COL24A1: variants seen among roughly 807,000 people sequenced by gnomAD.
COL24A1 encodes collagen alpha-1(XXIV) chain.
Under a neutral mutation model 253.9 loss-of-function variants are expected in COL24A1, and 224 were observed. The observed-to-expected ratio is 0.88, with a 90% CI of 0.79 to 0.99. The LOEUF is 0.99. Ranked by LOEUF, COL24A1 falls within the 50% of genes least tolerant of loss-of-function variation. The pLI is 0.00. For missense variants in COL24A1, 2,131 were observed against 2,068.5 expected (o/e 1.03, Z -0.59); for synonymous variants, 685 against 673.7 (o/e 1.02, Z -0.26).
chr1:85,934,741 C>T (rs1317961633), intron 24 of COL24A1, among the ~76,000 whole-genome samples: 1 of 152,094 alleles, frequency 6.6e-6, no homozygotes, highest in Non-Finnish European at 1.5e-5. Context: ...CATTTGTTTA[C>T]TTATTATCTG....
At chr1:86,024,311 A>T (rs1697819858) in intron 14 of COL24A1, among the ~76,000 whole-genome samples, 1 of 152,104 alleles carries the variant, frequency 6.6e-6, no homozygotes, top group Non-Finnish European at 1.5e-5. Flanking sequence ...ATTTTGTGAC[A>T]GCGGAAACAC....
At position 85,890,322 on chromosome 1, in the gene COL24A1, C is replaced by G. The variant is rs779802576; in HGVS notation, c.2923-709G>C. Among the ~76,000 whole-genome samples, 83 of 152,080 alleles carry G rather than the reference C, an allele frequency of 5.5e-4. 1 individual carries two copies. The highest frequency in any genetic ancestry group is 8.7e-4 in the Non-Finnish European group (59 of 68,006). ...TTTAACTTCTTGACAAACCACCAAA[C>G]TGTTTTCCACAGCAGTTCCCCTATT... On this transcript the variant is annotated intron_variant, in intron 31 of 59. Coordinates refer to ENST00000370571, the MANE Select transcript of COL24A1 (RefSeq NM_152890.7).
In COL24A1 at chr1:86,043,748, G is replaced by A. The variant is rs1483869314; in HGVS notation, c.1950+3077C>T. Reference sequence around the variant, plus strand: ...TCACCATGTTGGCCAAGATGGTCTCGATCTCTTGATCTCATGATCCGCCCG... The same window carrying A: ...TCACCATGTTGGCCAAGATGGTCTCAATCTCTTGATCTCATGATCCGCCCG... On this transcript the variant is annotated intron_variant, in intron 12 of 59. Coordinates refer to ENST00000370571, the MANE Select transcript of COL24A1 (RefSeq NM_152890.7). Among the ~76,000 whole-genome samples, 22 of 152,138 alleles carry A rather than the reference G, an allele frequency of 1.4e-4. No homozygotes were observed. In the East Asian group the frequency reaches 4.1e-3, roughly 28 times the overall value.
intron 28 of COL24A1, among the ~76,000 whole-genome samples, chr1:85,905,377 G>T (rs1033702123): frequency 2.0e-5 from 3 of 152,050 alleles, no homozygotes; most frequent in African/African-American, 7.2e-5. Flanking sequence ...GAAGAGAGAA[G>T]AGAGTAAAAA....
intron 18 of COL24A1, among the ~76,000 whole-genome samples, chr1:86,020,034 G>C (rs1305301489): frequency 6.7e-6 from 1 of 150,246 alleles, no homozygotes; most frequent in Non-Finnish European, 1.5e-5. Context: ...CATATGATAT[G>C]GCCTAAACTT....
At chr1:85,953,952 G>T (rs1433314765) in intron 24 of COL24A1, among the ~76,000 whole-genome samples, 1 of 152,120 alleles carries the variant, frequency 6.6e-6, no homozygotes, top group African/African-American at 2.4e-5. Flanking sequence ...TGGGCTAATT[G>T]CCTCTGGGCA....
chr1:86,087,169 CT>C (rs1703120974), intron 7 of COL24A1, among the ~76,000 whole-genome samples: 1 of 151,686 alleles, frequency 6.6e-6, no homozygotes, highest in Non-Finnish European at 1.5e-5. Flanking sequence ...AGATTGAAAG[CT>C]TTTTAAAAAA....
intron 24 of COL24A1, among the ~76,000 whole-genome samples, chr1:85,943,947 C>T (rs2103212871): frequency 6.6e-6 from 1 of 152,292 alleles, no homozygotes; most frequent in African/African-American, 2.4e-5. Flanking sequence ...AATTTGACTC[C>T]ATGAAAGTGC....
Position 86,031,824 on chromosome 1 carries a change from T to C in COL24A1, c.2049+54A>G, listed in dbSNP as rs1571673543. 2.1e-6 allele frequency: 3 copies of C among 1,446,520 alleles called. No homozygotes were observed. In the East Asian group the frequency reaches 7.0e-5, roughly 34 times the overall value. The allele number at this position is 1,446,520 out of a possible 1,614,324, so 89.6% of individuals were successfully genotyped here. A position where few individuals can be genotyped will look rare whatever the true frequency, so the allele number is the denominator to read the frequency against. ...GTTTCAAAAACACATCTAACACATA[T>C]AAATTGCACAATAAAATATTTTCTT... On this transcript the variant is annotated intron_variant, in intron 14 of 59. Transcript: ENST00000370571.
At chr1:85,869,634 G>A (rs1230131450) in intron 35 of COL24A1, among the ~76,000 whole-genome samples, 2 of 152,074 alleles carry the variant, frequency 1.3e-5, no homozygotes, top group African/African-American at 4.8e-5. Context: ...ATCCTTTAAG[G>A]ACAAACAAAT....
At chr1:86,120,562 C>A (rs182023852) in intron 3 of COL24A1, among the ~76,000 whole-genome samples, 129 of 152,306 alleles carry the variant, frequency 8.5e-4, no homozygotes, top group Non-Finnish European at 1.5e-3. Context: ...CACTGGTCAT[C>A]AGATAAATGC....
intron 3 of COL24A1, among the ~76,000 whole-genome samples, chr1:86,121,445 T>C (rs1431514618): frequency 6.6e-6 from 1 of 152,062 alleles, no homozygotes; most frequent in Non-Finnish European, 1.5e-5. Flanking sequence ...ATACAACAGA[T>C]AAAGAGTTCA....
chr1:85,948,298 G>A (rs1019292974), intron 24 of COL24A1, among the ~76,000 whole-genome samples: 36 of 151,932 alleles, frequency 2.4e-4, no homozygotes, highest in African/African-American at 8.4e-4. Context: ...GCCGAGGCGG[G>A]CGGATCACGA....
intron 37 of COL24A1, among the ~76,000 whole-genome samples, chr1:85,860,935 C>T (rs1679077893): frequency 6.6e-6 from 1 of 152,138 alleles, no homozygotes; most frequent in Non-Finnish European, 1.5e-5. Flanking sequence ...GTTGTTTCTA[C>T]TTTTTCGCTC....
chr1:85,773,956 A>T (rs1490621323), intron 53 of COL24A1, among the ~76,000 whole-genome samples: 1 of 152,174 alleles, frequency 6.6e-6, no homozygotes, highest in East Asian at 1.9e-4. Context: ...GGCAGTTTTC[A>T]AAGGGAATGC....
chr1:85,901,317 T>C (rs994096079), intron 28 of COL24A1, among the ~76,000 whole-genome samples: 1 of 151,944 alleles, frequency 6.6e-6, no homozygotes, highest in Non-Finnish European at 1.5e-5. Flanking sequence ...ACATCACTAA[T>C]TATCAGGAAA....
At chr1:86,120,596 C>G (rs1286824863) in intron 3 of COL24A1, among the ~76,000 whole-genome samples, 1 of 152,146 alleles carries the variant, frequency 6.6e-6, no homozygotes, top group African/African-American at 2.4e-5. Flanking sequence ...AATGAGATAC[C>G]ATCTCACACC....
intron 47 of COL24A1, among the ~76,000 whole-genome samples, chr1:85,805,254 A>C (rs1157772675): frequency 6.6e-6 from 1 of 152,236 alleles, no homozygotes; most frequent in African/African-American, 2.4e-5. Context: ...GGTCACTTGC[A>C]TGGAAAGTGA....
intron 28 of COL24A1, 150 bp downstream of exon 28, chr1:85,907,044 G>C (rs966511851): frequency 7.3e-6 from 4 of 549,220 alleles, no homozygotes; most frequent in African/African-American, 5.7e-5. Context: ...ATTAACATAG[G>C]GCATTCATCT....
Sources: allele counts gnomAD v4.1 joint callset (sites outside exome capture counted in the v4.1 genomes callset), GRCh38; gene constraint gnomAD v4.1.1; transcripts MANE v1.5; gene names NCBI Gene and HGNC (gene_info 2026-07-23, HGNC 2026-07-21).